Variants in TBX1 observed in about 807,000 individuals in gnomAD.
TBX1 encodes the protein T-box transcription factor TBX1.
In TBX1, 16 loss-of-function variants were observed where a neutral mutation model predicts 40.8. That is an observed-to-expected ratio of 0.39 (90% CI 0.27 to 0.60). The LOEUF is 0.60. Among genes scored for constraint, TBX1 ranks in the 20% least tolerant of loss-of-function variants. The pLI, the probability that TBX1 is intolerant of heterozygous loss-of-function variation, is 0.51. For synonymous variants in TBX1, 403 were observed against 336.8 expected (o/e 1.20, Z -2.15); for missense variants, 755 against 728.5 (o/e 1.04, Z -0.42).
upstream of TBX1, among the ~76,000 whole-genome samples, chr22:19,758,084 G>C (rs1236996618): frequency 6.6e-6 from 1 of 152,148 alleles, no homozygotes; most frequent in Non-Finnish European, 1.5e-5. Flanking sequence ...CCCAGGGCCA[G>C]CCTCCCCACT....
chr22:19,764,522 G>A (rs756838596), intron 3 of TBX1, among the ~76,000 whole-genome samples, 196 bp downstream of exon 3: 1 of 152,256 alleles, frequency 6.6e-6, no homozygotes, highest in Non-Finnish European at 1.5e-5. Context: ...CTGGTGTGCC[G>A]ATGAGGAGAG....
downstream of TBX1, among the ~76,000 whole-genome samples, chr22:19,771,585 C>T (rs897611297): frequency 4.6e-5 from 7 of 152,200 alleles, no homozygotes; most frequent in Admixed American, 2.0e-4. Context: ...CTTTCAATTG[C>T]ACAAAGTAAG....
chr22:19,761,277 G>A lies in TBX1; in HGVS notation c.434G>A (p.Gly145Asp). ...ACCGAGATGATCGTCACCAAGGCCG[G>A]CAGGTCAGGGCGCCCCTCCCCACGC... is the stretch of plus-strand genomic sequence containing the variant. The part of the protein sequence containing the change: ...LGTEMIVTKA[G>D]RRMFPTFQVK... Residue 145 changes from glycine (G) to aspartate (D), a missense_variant, in exon 1 of 7, where the codon GGC becomes GAC. By Grantham distance (94) the Gly-to-Asp change is moderately conservative. This residue lies in a region of TBX1 where 144 missense variants were observed against 238.0 expected (regional missense o/e 0.61). Coordinates refer to ENST00000649276, the MANE Select transcript of TBX1 (RefSeq NM_001379200.1). The A allele has an allele frequency of 1.3e-6, 2 of 1,550,128 alleles. No homozygotes were observed. The highest frequency in any genetic ancestry group is 8.7e-7 in the Non-Finnish European group (1 of 1,145,820).
exon 9 of TBX1, chr22:19,779,544 A>G: frequency 1.3e-6 from 2 of 1,513,848 alleles, no homozygotes; most frequent in South Asian, 1.3e-5. Flanking sequence ...GTTTTGTAAT[A>G]AATACTTCTC....
upstream of TBX1, among the ~76,000 whole-genome samples, chr22:19,758,982 C>G (rs954787858): frequency 5.9e-5 from 9 of 152,242 alleles, no homozygotes; most frequent in Non-Finnish European, 1.3e-4. Context: ...GCCCTCTCCT[C>G]ACCCAGGTGC....
intron 8 of TBX1, among the ~76,000 whole-genome samples, chr22:19,777,822 T>C (rs988116942): frequency 6.6e-6 from 1 of 151,234 alleles, no homozygotes; most frequent in Non-Finnish European, 1.5e-5. Context: ...TGCAGTGGTA[T>C]GATCATGGCT....
At chr22:19,772,645 C>T (rs1937007337) in intron 8 of TBX1, among the ~76,000 whole-genome samples, 1 of 152,164 alleles carries the variant, frequency 6.6e-6, no homozygotes, top group Non-Finnish European at 1.5e-5. Context: ...TTTTCCCCTC[C>T]GTTTCTGAAT....
rs1936877224 is a variant in TBX1 at position 19,766,854 on chromosome 22, A to G, written c.1502A>G (p.Tyr501Cys). 8 of 1,581,390 alleles carry G rather than the reference A, an allele frequency of 5.1e-6. No homozygotes were observed. The highest frequency in any genetic ancestry group is 1.4e-5 in the African/African-American group (1 of 72,834). ...GCCGCGCCGCCCGGCTCCTACGACT[A>G]TTGCCCCAGATAACACGGGCCCTGT... ...AGAAPPGSYDYCPR is the reference protein window; with the variant it reads ...AGAAPPGSYDCCPR Residue 501 changes from tyrosine to cysteine, a missense_variant, in exon 7 of 7, where the codon TAT becomes TGT. Coordinates refer to ENST00000649276, the MANE Select transcript of TBX1 (RefSeq NM_001379200.1).
At chr22:19,757,173 C>G (rs1251670942), upstream of TBX1, among the ~76,000 whole-genome samples, 1 of 152,148 alleles carries the variant, frequency 6.6e-6, no homozygotes, top group Admixed American at 6.5e-5. Flanking sequence ...GCCAACAGAG[C>G]CGGCTGGGTG....
At chr22:19,774,702 GA>G (rs1226110104) in intron 8 of TBX1, among the ~76,000 whole-genome samples, 1 of 152,142 alleles carries the variant, frequency 6.6e-6, no homozygotes, top group Non-Finnish European at 1.5e-5. Context: ...TATGCTCCGT[GA>G]ATTGAGCCGG....
chr22:19,763,000 G>C (rs1936716950), intron 1 of TBX1, among the ~76,000 whole-genome samples: 1 of 152,214 alleles, frequency 6.6e-6, no homozygotes, highest in African/African-American at 2.4e-5. Context: ...CGCTGGGCTG[G>C]CCATTTCTGT....
intron 1 of TBX1, among the ~76,000 whole-genome samples, chr22:19,761,592 C>T (rs1936667047): frequency 6.6e-6 from 1 of 151,968 alleles, no homozygotes; most frequent in Non-Finnish European, 1.5e-5. Context: ...CCGCGCGGCC[C>T]AGAAACCGGC....
downstream of TBX1, among the ~76,000 whole-genome samples, chr22:19,782,003 T>C (rs1389946510): frequency 6.6e-6 from 1 of 152,240 alleles, no homozygotes; most frequent in Non-Finnish European, 1.5e-5. Flanking sequence ...GTCTATTCTA[T>C]TACATTGGTC....
Position 19,775,722 on chromosome 22 carries a change from G to A in TBX1, c.1010-3498G>A, listed in dbSNP as rs557917674. ...CACCCTGTCTGAAGGAGCTAGTGGT[G>A]GGGCCCCGAATATTCTGAGGCCAGG... On this transcript the variant is annotated intron_variant, in intron 8 of 8. Transcript: ENST00000329705. Among the ~76,000 whole-genome samples, 3 of 152,302 alleles carry A rather than the reference G, an allele frequency of 2.0e-5. No individual in the cohort carries two copies. In the East Asian group the frequency reaches 5.8e-4, roughly 29 times the overall value.
downstream of TBX1, among the ~76,000 whole-genome samples, chr22:19,771,867 A>C (rs1477296878): frequency 6.6e-6 from 1 of 152,348 alleles, no homozygotes; most frequent in East Asian, 1.9e-4. Context: ...GTTGAGGCCC[A>C]TGTCGGTGCG....
chr22:19,760,210 T>C (rs992039774), upstream of TBX1, among the ~76,000 whole-genome samples: 3 of 100,008 alleles, frequency 3.0e-5, no homozygotes, highest in Non-Finnish European at 6.0e-5. Context: ...GGAAAGACTT[T>C]AGTTTTTTTT....
Position 19,767,174 on chromosome 22 carries a change from T to G in TBX1, c.*307T>G. 1 of 1,148,442 alleles carries G rather than the reference T, an allele frequency of 8.7e-7. No homozygotes were observed. 71.1% of individuals were successfully genotyped at this position (1,148,442 alleles called of 1,614,324 possible). A position where few individuals can be genotyped will look rare whatever the true frequency, so the allele number is the denominator to read the frequency against. ...CGGAGGCGGAAGGAAGTGATATTTA[T>G]TGTTCTCCCCGAGACCGCGTCGCCC... On this transcript the variant is annotated 3_prime_UTR_variant, in exon 7 of 7. Transcript: ENST00000649276.
In TBX1 at chr22:19,761,271, A is replaced by G. The variant is rs1473332597; in HGVS notation, c.428A>G (p.Lys143Arg). The change falls in exon 1 of 7, where the codon AAG (lysine) becomes AGG (arginine). Residue 143 changes from lysine to arginine, a missense_variant. Lys to Arg is a conservative substitution (Grantham distance 26). Coordinates refer to ENST00000649276, the MANE Select transcript of TBX1 (RefSeq NM_001379200.1). Reference sequence around the variant, plus strand: ...CTGGGCACCGAGATGATCGTCACCAAGGCCGGCAGGTCAGGGCGCCCCTCC... The same window carrying G: ...CTGGGCACCGAGATGATCGTCACCAGGGCCGGCAGGTCAGGGCGCCCCTCC... ...NQLGTEMIVT[K>R]AGRRMFPTFQ... 9.0e-6 allele frequency: 14 copies of G among 1,557,772 alleles called. No individual in the cohort carries two copies. Among genetic ancestry groups the G allele is most frequent in the Non-Finnish European group, 1.2e-5 (14 of 1,149,826 alleles).
In TBX1 at chr22:19,764,308, A is replaced by C; in HGVS notation, c.693A>C (p.Leu231=). 1 of 1,612,590 alleles carries C rather than the reference A, an allele frequency of 6.2e-7. No individual in the cohort carries two copies. Among genetic ancestry groups the C allele is most frequent in the Admixed American group, 1.7e-5 (1 of 60,014 alleles). Residue 231 remains leucine (L), a synonymous_variant, in exon 3 of 7, where the codon CTA becomes CTC. Coordinates refer to ENST00000649276, the MANE Select transcript of TBX1 (RefSeq NM_001379200.1). Reference sequence around the variant, plus strand: ...ACAAGCTCAAGCTGACCAACAACCTACTGGACGACAACGGCCACGTGAGCG... The same window carrying C: ...ACAAGCTCAAGCTGACCAACAACCTCCTGGACGACAACGGCCACGTGAGCG... The part of the protein sequence containing the change: ...SFDKLKLTNN[L]LDDNGHIILN...
Sources: allele counts gnomAD v4.1 joint callset (sites outside exome capture counted in the v4.1 genomes callset), GRCh38; gene constraint gnomAD v4.1.1; regional missense constraint gnomAD v4.1.1; transcripts MANE v1.5; gene names NCBI Gene and HGNC (gene_info 2026-07-23, HGNC 2026-07-21).